GRIK3: variants seen among roughly 807,000 people sequenced by gnomAD.
The protein encoded by GRIK3 is glutamate ionotropic receptor kainate type subunit 3.
A neutral mutation model predicts 102.5 loss-of-function variants in GRIK3; 29 were observed. That is an observed-to-expected ratio of 0.28 (90% CI 0.21 to 0.39). The LOEUF is 0.39. GRIK3 is among the 10% of genes least tolerant of loss of function. GRIK3 has a pLI of 1.00. For missense variants in GRIK3, 908 were observed against 1,252.4 expected (o/e 0.73, Z 4.15); for synonymous variants, 511 against 504.9 (o/e 1.01, Z -0.16).
chr1:36,973,168 A>T (rs1199807880), intron 1 of GRIK3, among the ~76,000 whole-genome samples: 1 of 152,122 alleles, frequency 6.6e-6, no homozygotes, highest in Non-Finnish European at 1.5e-5. Context: ...CCCAGCCCTT[A>T]GGATAGCATA....
chr1:36,879,495 A>G lies in GRIK3; in HGVS notation c.550+1139T>C, dbSNP rs951749506. On this transcript the variant is annotated intron_variant, in intron 3 of 15. Coordinates refer to ENST00000373091, the MANE Select transcript of GRIK3 (RefSeq NM_000831.4). Reference sequence around the variant, plus strand: ...GTGACAGAAAGAGTGGGTTTTGTTTATCTAAGTATCTCCAGCTCCTAGCAA... The same window carrying G: ...GTGACAGAAAGAGTGGGTTTTGTTTGTCTAAGTATCTCCAGCTCCTAGCAA... Among the ~76,000 whole-genome samples, 5 of 152,148 alleles carry G rather than the reference A, an allele frequency of 3.3e-5. No individual in the cohort carries two copies. The South Asian group carries it at 8.3e-4, about 25-fold the overall frequency.
intron 8 of GRIK3, among the ~76,000 whole-genome samples, chr1:36,853,080 T>C (rs1345669156): frequency 6.6e-6 from 1 of 152,180 alleles, no homozygotes; most frequent in African/African-American, 2.4e-5. Context: ...GAGCTCAGAA[T>C]CCATGTGCTT....
chr1:36,978,038 A>C (rs964204209), intron 1 of GRIK3, among the ~76,000 whole-genome samples: 2 of 152,246 alleles, frequency 1.3e-5, no homozygotes, highest in African/African-American at 4.8e-5. Context: ...AAACGAATGC[A>C]TTATGTCTTT....
intron 1 of GRIK3, among the ~76,000 whole-genome samples, chr1:36,933,629 C>A (rs746152772): frequency 6.6e-6 from 1 of 152,216 alleles, no homozygotes; most frequent in Non-Finnish European, 1.5e-5. Flanking sequence ...ATCAAAGGTA[C>A]ACTATCTCTA....
At chr1:36,897,894 A>G (rs939473790) in intron 1 of GRIK3, among the ~76,000 whole-genome samples, 1 of 152,208 alleles carries the variant, frequency 6.6e-6, no homozygotes, top group Non-Finnish European at 1.5e-5. Context: ...AGCAACCTAC[A>G]TGTCCATCAA....
At chr1:36,993,622 G>A (rs1379775019) in intron 1 of GRIK3, among the ~76,000 whole-genome samples, 1 of 152,218 alleles carries the variant, frequency 6.6e-6, no homozygotes, top group Non-Finnish European at 1.5e-5. Context: ...GGCTGGCAAG[G>A]TATATGCAGA....
rs541241817 is a variant in GRIK3, at chr1:36,863,225, C to T, written c.787-3208G>A. Among the ~76,000 whole-genome samples, 7 of 152,252 alleles carry T rather than the reference C, an allele frequency of 4.6e-5. No individual in the cohort carries two copies. In the South Asian group the frequency reaches 1.5e-3, roughly 32 times the overall value. On this transcript the variant is annotated intron_variant, in intron 5 of 15. Coordinates refer to ENST00000373091, the MANE Select transcript of GRIK3 (RefSeq NM_000831.4). Reference sequence around the variant, plus strand: ...GCTACCCAGCTCCAGAGCCCTCCCTCTTCCCTATGATGACGCATCTCCTCC... The same window carrying T: ...GCTACCCAGCTCCAGAGCCCTCCCTTTTCCCTATGATGACGCATCTCCTCC...
rs375653388 is a variant in GRIK3, at chr1:36,825,858, A to C, written c.1531-32T>G. On this transcript the variant is annotated intron_variant, in intron 10 of 15. Coordinates refer to ENST00000373091, the MANE Select transcript of GRIK3 (RefSeq NM_000831.4). The stretch of plus-strand genomic sequence containing the variant: ...CCAGACAGAGAGAGAAAGACAGACT[A>C]TGAGCAAAGTCTCAGAATAGCGGGA... 3.2e-5 allele frequency: 47 copies of C among 1,468,626 alleles called. No homozygotes were observed. In the African/African-American group the frequency reaches 5.8e-4, roughly 18 times the overall value. 91.0% of individuals were successfully genotyped at this position (1,468,626 alleles called of 1,614,324 possible). A position where few individuals can be genotyped will look rare whatever the true frequency, so the allele number is the denominator to read the frequency against.
rs1262665308 is a variant in GRIK3 at position 36,800,687 on chromosome 1, G to A, written c.*1164C>T. On this transcript the variant is annotated 3_prime_UTR_variant, in exon 16 of 16. Transcript: ENST00000373091. The stretch of plus-strand genomic sequence containing the variant: ...TTCCTGGGGAGCATCTCTAGGTTTG[G>A]TAAGTCCAGGAGACCAGAAGTTCTT... 2.0e-5 allele frequency: 3 copies of A among 152,242 alleles called. No homozygotes were observed. Among genetic ancestry groups the A allele is most frequent in the Admixed American group, 6.5e-5 (1 of 15,290 alleles). 9.4% of individuals were successfully genotyped at this position (152,242 alleles called of 1,614,324 possible). A position where few individuals can be genotyped will look rare whatever the true frequency, so the allele number is the denominator to read the frequency against.
chr1:36,956,093 G>A (rs1052437313), intron 1 of GRIK3, among the ~76,000 whole-genome samples: 2 of 152,230 alleles, frequency 1.3e-5, no homozygotes, highest in Non-Finnish European at 2.9e-5. Flanking sequence ...CTGAGCCGTG[G>A]GGTGCTCGGC....
chr1:36,860,671 T>C (rs1206327393), intron 5 of GRIK3, among the ~76,000 whole-genome samples: 1 of 152,030 alleles, frequency 6.6e-6, no homozygotes, highest in South Asian at 2.1e-4. Context: ...GCCCTGCAGC[T>C]CTGGGTCTGG....
At chr1:36,810,233 T>C (rs893556020) in intron 13 of GRIK3, among the ~76,000 whole-genome samples, 3 of 151,980 alleles carry the variant, frequency 2.0e-5, no homozygotes, top group African/African-American at 7.3e-5. Flanking sequence ...CAGGCCTGAG[T>C]TCCCATCACT....
intron 1 of GRIK3, among the ~76,000 whole-genome samples, chr1:36,931,806 G>A (rs1641593429): frequency 6.6e-6 from 1 of 151,968 alleles, no homozygotes; most frequent in African/African-American, 2.4e-5. Flanking sequence ...GGCATCTGGC[G>A]AGGAGTTCTG....
intron 1 of GRIK3, among the ~76,000 whole-genome samples, chr1:37,013,535 C>T (rs141999428): frequency 5.9e-5 from 9 of 152,296 alleles, no homozygotes; most frequent in Non-Finnish European, 1.0e-4. Flanking sequence ...AAGTAGGCTC[C>T]CTTAGGGCTC....
At chr1:36,936,596 C>T (rs930636534) in intron 1 of GRIK3, among the ~76,000 whole-genome samples, 2 of 152,196 alleles carry the variant, frequency 1.3e-5, no homozygotes, top group Non-Finnish European at 2.9e-5. Flanking sequence ...CCACCCCATT[C>T]CCATTCTCCA....
chr1:36,821,951 T>C (rs1210573859), intron 11 of GRIK3, among the ~76,000 whole-genome samples: 1 of 152,244 alleles, frequency 6.6e-6, no homozygotes, highest in East Asian at 1.9e-4. Flanking sequence ...TCCCCTATCA[T>C]ACCACTATAC....
chr1:36,813,728 T>G (rs1642589700), intron 13 of GRIK3, among the ~76,000 whole-genome samples: 2 of 144,124 alleles, frequency 1.4e-5, no homozygotes, highest in Admixed American at 1.4e-4. Flanking sequence ...AGGGAATTGG[T>G]TCATCCAGGG....
At chr1:36,967,144 C>T (rs1017564645) in intron 1 of GRIK3, among the ~76,000 whole-genome samples, 1 of 152,192 alleles carries the variant, frequency 6.6e-6, no homozygotes, top group Non-Finnish European at 1.5e-5. Context: ...AGGGCCTTCC[C>T]TTTTAACCAC....
At chr1:36,950,694 G>A (rs187831525) in intron 1 of GRIK3, among the ~76,000 whole-genome samples, 3 of 152,380 alleles carry the variant, frequency 2.0e-5, no homozygotes, top group Middle Eastern at 3.4e-3. Context: ...AAGGCAAGAG[G>A]CTACATGCGA....
Sources: gnomAD v4.1 joint callset for allele counts (sites outside exome capture counted in the v4.1 genomes callset) on GRCh38, gnomAD v4.1.1 for gene constraint, MANE v1.5 for transcripts, NCBI Gene and HGNC (gene_info 2026-07-23, HGNC 2026-07-21) for gene names.